Variants in SLC25A24 observed in about 807,000 individuals in gnomAD.
SLC25A24 encodes solute carrier family 25 member 24, also known as mitochondrial adenyl nucleotide antiporter SLC25A24.
Under a neutral mutation model 60.7 loss-of-function variants are expected in SLC25A24, and 49 were observed. The ratio of observed to expected loss-of-function variants is 0.81; its 90% CI spans 0.64 to 1.02. The LOEUF (loss-of-function observed/expected upper bound fraction) is 1.02. SLC25A24 is among the 50% of genes least tolerant of loss of function. The pLI is 0.00. For synonymous variants in SLC25A24, 202 were observed against 200.6 expected (o/e 1.01, Z -0.06); for missense variants, 564 against 586.3 (o/e 0.96, Z 0.39).
Position 108,196,641 on chromosome 1 carries a change from G to C in SLC25A24, c.183+3315C>G, listed in dbSNP as rs113379068. ...TGATTTCTTGCAGTTCCAGACACTGGAAGTCCTAGATCGAAGTGCTAGGAG... is the reference window on the plus strand; with the variant it reads ...TGATTTCTTGCAGTTCCAGACACTGCAAGTCCTAGATCGAAGTGCTAGGAG... On this transcript the variant is annotated intron_variant, in intron 1 of 9. Transcript: ENST00000565488. Among the ~76,000 whole-genome samples the C allele has an allele frequency of 7.0e-3, 1,059 of 152,312 alleles. 4 individuals carry two copies. Among genetic ancestry groups the C allele is most frequent in the Non-Finnish European group, 0.01 (691 of 68,018 alleles).
At chr1:108,180,151 G>A (rs1647861181) in intron 3 of SLC25A24, among the ~76,000 whole-genome samples, 5 of 152,044 alleles carry the variant, frequency 3.3e-5, no homozygotes, top group Admixed American at 3.3e-4. Flanking sequence ...ATCACCTGAT[G>A]TCAGGAGTTC....
chr1:108,169,117 C>G (rs149887743), intron 3 of SLC25A24, among the ~76,000 whole-genome samples: 33 of 152,264 alleles, frequency 2.2e-4, no homozygotes, highest in African/African-American at 7.7e-4. Flanking sequence ...CGTGACAAAT[C>G]CAAAATATGG....
chr1:108,165,199 T>C (rs1680210997), intron 3 of SLC25A24, among the ~76,000 whole-genome samples: 1 of 152,090 alleles, frequency 6.6e-6, no homozygotes, highest in Admixed American at 6.5e-5. Flanking sequence ...TGGTGAGGAG[T>C]GCTTTACTTC....
intron 6 of SLC25A24, among the ~76,000 whole-genome samples, chr1:108,151,049 A>G (rs139804595): frequency 6.6e-6 from 1 of 152,002 alleles, no homozygotes; most frequent in Non-Finnish European, 1.5e-5. Flanking sequence ...AAAAATACAA[A>G]AATTAGCTGG....
chr1:108,146,899 G>C (rs1679608162), intron 7 of SLC25A24, among the ~76,000 whole-genome samples: 1 of 152,172 alleles, frequency 6.6e-6, no homozygotes. Context: ...GTCTCTGCCA[G>C]GTTTTAGTAT....
rs922229584 is a variant in SLC25A24 at position 108,134,934 on chromosome 1, T to C, written c.*1719A>G. 6.6e-6 allele frequency: 1 copy of C among 152,188 alleles called. No individual in the cohort carries two copies. Among genetic ancestry groups the C allele is most frequent in the Non-Finnish European group, 1.5e-5 (1 of 68,032 alleles). The allele number at this position is 152,188 out of a possible 1,614,324, so 9.4% of individuals were successfully genotyped here. A position where few individuals can be genotyped will look rare whatever the true frequency, so the allele number is the denominator to read the frequency against. On this transcript the variant is annotated 3_prime_UTR_variant, in exon 10 of 10. Transcript: ENST00000565488. The stretch of plus-strand genomic sequence containing the variant: ...TTTTCCAAAAGATACAGAATCATTT[T>C]TTGGAAAAGATACAAGATGTACAGA...
chr1:108,196,602 T>TA (rs1385557948), intron 1 of SLC25A24, among the ~76,000 whole-genome samples: 5 of 152,282 alleles, frequency 3.3e-5, no homozygotes, highest in South Asian at 2.1e-4. Flanking sequence ...TTGGCTTACT[T>TA]AAAAAATAAG....
intron 3 of SLC25A24, among the ~76,000 whole-genome samples, chr1:108,165,927 G>A (rs1680239877): frequency 6.6e-6 from 1 of 152,160 alleles, no homozygotes; most frequent in Admixed American, 6.5e-5. Context: ...TGCAGCGGCT[G>A]GTACTGATTG....
intron 1 of SLC25A24, among the ~76,000 whole-genome samples, chr1:108,198,127 G>A (rs920277723): frequency 2.0e-5 from 3 of 152,142 alleles, no homozygotes; most frequent in Non-Finnish European, 4.4e-5. Flanking sequence ...GCAGATGCCA[G>A]CACCACGCTT....
At chr1:108,196,006 A>G (rs1264291584) in intron 1 of SLC25A24, among the ~76,000 whole-genome samples, 35 of 149,308 alleles carry the variant, frequency 2.3e-4, no homozygotes, top group Non-Finnish European at 2.8e-4. Flanking sequence ...TCTCCAGAAA[A>G]AAAAAAAAAA....
intron 6 of SLC25A24, among the ~76,000 whole-genome samples, chr1:108,151,857 G>C (rs1468907695): frequency 1.3e-5 from 2 of 152,178 alleles, no homozygotes; most frequent in Non-Finnish European, 2.9e-5. Context: ...ACTCAAGTTA[G>C]AAATTAGAAT....
intron 6 of SLC25A24, among the ~76,000 whole-genome samples, chr1:108,154,270 T>C (rs1396432922): frequency 1.3e-5 from 2 of 151,956 alleles, no homozygotes; most frequent in East Asian, 1.9e-4. Flanking sequence ...TAAACAATGA[T>C]GGAATAAATA....
intron 3 of SLC25A24, among the ~76,000 whole-genome samples, chr1:108,165,691 A>C (rs145262119): frequency 0.032 from 4,804 of 152,172 alleles, 260 homozygotes; most frequent in African/African-American, 0.11. Flanking sequence ...GTGTGTCTCT[A>C]CATGTGAGAT....
At chr1:108,191,237 A>G (rs1294854565) in intron 1 of SLC25A24, among the ~76,000 whole-genome samples, 3 of 138,496 alleles carry the variant, frequency 2.2e-5, no homozygotes, top group Admixed American at 8.1e-5. Context: ...TCCCAGGCTC[A>G]AGTGATTCTC....
rs1679373833 is a variant in SLC25A24 at position 108,139,129 on chromosome 1, GCACCGCATCCCAGCAA to G, written c.1162_1177del (p.Leu388ProfsTer17). ...CAGCTGACCACAGGTGCTGGATAAG[GCACCGCATCCCAGCAA>G]CACCATGACTCCAGGGTTTACAGAA... On this transcript the variant is annotated frameshift_variant, in exon 9 of 10. Coordinates refer to ENST00000565488, the MANE Select transcript of SLC25A24 (RefSeq NM_013386.5). LOFTEE classifies it high-confidence loss of function. The G allele has an allele frequency of 6.2e-7, 1 of 1,610,908 alleles. No homozygotes were observed. The highest frequency in any genetic ancestry group is 8.5e-7 in the Non-Finnish European group (1 of 1,178,540).
In SLC25A24 at chr1:108,189,870, AAT is replaced by A. The variant is rs979965957; in HGVS notation, c.184-3918_184-3917del. ...AAGATAAAGTAAAAAAAAATTAAAAAATATATATATATATGTATATATAGAGA... is the reference window on the plus strand; with the variant it reads ...AAGATAAAGTAAAAAAAAATTAAAAAATATATATATATGTATATATAGAGA... On this transcript the variant is annotated intron_variant, in intron 1 of 9. Coordinates refer to ENST00000565488, the MANE Select transcript of SLC25A24 (RefSeq NM_013386.5). Among the ~76,000 whole-genome samples, 374 of 149,662 alleles carry A rather than the reference AAT, an allele frequency of 2.5e-3. 2 individuals are homozygous for A. The highest frequency in any genetic ancestry group is 8.7e-3 in the African/African-American group (353 of 40,706).
intron 1 of SLC25A24, among the ~76,000 whole-genome samples, chr1:108,191,908 GAGA>G (rs1648354311): frequency 1.4e-5 from 2 of 139,266 alleles, no homozygotes; most frequent in Admixed American, 8.1e-5. Flanking sequence ...ACAACATGCT[GAGA>G]AGGAGCCTGT....
At chr1:108,192,837 C>A in intron 1 of SLC25A24, 1 of 1,143,126 alleles carries the variant, frequency 8.7e-7, no homozygotes, top group Admixed American at 4.2e-5. Flanking sequence ...GGCGCGAGCG[C>A]GCAGGACCCG....
chr1:108,193,660 G>A (rs952187152), intron 1 of SLC25A24, among the ~76,000 whole-genome samples: 1 of 139,816 alleles, frequency 7.2e-6, no homozygotes, highest in African/African-American at 2.5e-5. Flanking sequence ...ATAAAGACTA[G>A]GAATTGAATG....
Sources: allele counts gnomAD v4.1 joint callset (sites outside exome capture counted in the v4.1 genomes callset), GRCh38; gene constraint gnomAD v4.1.1; transcripts MANE v1.5; gene names NCBI Gene and HGNC (gene_info 2026-07-23, HGNC 2026-07-21).